ARG1: variants seen among roughly 807,000 people sequenced by gnomAD.
ARG1 encodes the protein arginase 1, also known as arginase-1.
A neutral mutation model predicts 33.0 loss-of-function variants in ARG1; 20 were observed. The observed-to-expected ratio is 0.61, with a 90% CI of 0.43 to 0.88. The LOEUF (loss-of-function observed/expected upper bound fraction) is 0.88, where lower values mean the gene tolerates loss of function less well. Among genes scored for constraint, ARG1 ranks in the 40% least tolerant of loss-of-function variants. The pLI, the probability that ARG1 is intolerant of heterozygous loss-of-function variation, is 0.00. For synonymous variants in ARG1, 146 were observed against 140.6 expected, an observed-to-expected ratio of 1.04 and a Z score of -0.27; for missense variants, 374 against 384.7, an observed-to-expected ratio of 0.97 and a Z score of 0.23.
At chr6:131,574,634 T>C (rs568142827) in intron 1 of ARG1, among the ~76,000 whole-genome samples, 6 of 151,642 alleles carry the variant, frequency 4.0e-5, no homozygotes, top group East Asian at 1.9e-4. Context: ...AGTCATAGAG[T>C]AGAGAGGATA....
At chr6:131,576,995 G>A (rs1773645392) in intron 2 of ARG1, among the ~76,000 whole-genome samples, 1 of 152,126 alleles carries the variant, frequency 6.6e-6, no homozygotes, top group Admixed American at 6.6e-5. Flanking sequence ...TGCAAGAACG[G>A]GGGTTGGGGT....
In ARG1 at chr6:131,583,599, A is replaced by G. The variant is rs1027561475; in HGVS notation, c.802+108A>G. ...CCCAGCTGACACTTTCAGAATGTCC[A>G]TCAGTCACATGATGCAATAACTAAA... On this transcript the variant is annotated intron_variant, in intron 7 of 7. Coordinates refer to ENST00000368087, the MANE Select transcript of ARG1 (RefSeq NM_000045.4). 12 of 1,532,582 alleles carry G rather than the reference A, an allele frequency of 7.8e-6. No homozygotes were observed. In the African/African-American group the frequency reaches 1.5e-4, roughly 20 times the overall value. 94.9% of individuals were successfully genotyped at this position (1,532,582 alleles called of 1,614,324 possible).
At chr6:131,575,784 G>A (rs151277976) in intron 1 of ARG1, among the ~76,000 whole-genome samples, 16 of 152,340 alleles carry the variant, frequency 1.1e-4, no homozygotes, top group Admixed American at 2.0e-4. Context: ...AGGAAGACTT[G>A]CCCCTTGGAG....
chr6:131,577,652 A>G (rs115620963), intron 2 of ARG1, among the ~76,000 whole-genome samples: 6,335 of 152,098 alleles, frequency 0.042, 447 homozygotes, highest in African/African-American at 0.14. Flanking sequence ...CTGTAATCCT[A>G]TCACTTTGGG....
chr6:131,581,732 T>C (rs1273827295), intron 4 of ARG1, among the ~76,000 whole-genome samples: 4 of 152,208 alleles, frequency 2.6e-5, no homozygotes, highest in Non-Finnish European at 5.9e-5. Context: ...GGTCTCCTCA[T>C]TCCTTCCTCT....
intron 3 of ARG1, among the ~76,000 whole-genome samples, chr6:131,580,826 GA>G (rs1773882488): frequency 6.6e-6 from 1 of 152,200 alleles, no homozygotes; most frequent in African/African-American, 2.4e-5. Context: ...TATTTACCAA[GA>G]GAGATGAGTG....
rs749799579 is a variant in ARG1, at chr6:131,583,932, C to T, written c.*24C>T. ...AAATGTGGAAACATCCGATATAAAT[C>T]TCATAGTTAATGGCATAATTAGAAA... is the stretch of plus-strand genomic sequence containing the variant. On this transcript the variant is annotated 3_prime_UTR_variant, in exon 8 of 8. Coordinates refer to ENST00000368087, the MANE Select transcript of ARG1 (RefSeq NM_000045.4). The T allele has an allele frequency of 8.1e-6, 13 of 1,610,448 alleles. No homozygotes were observed. The Admixed American group carries it at 1.0e-4, about 12-fold the overall frequency.
At chr6:131,579,055 CA>C in intron 2 of ARG1, 55 bp from the exon 3 acceptor site, 1 of 1,584,408 alleles carries the variant, frequency 6.3e-7, no homozygotes, top group Non-Finnish European at 8.7e-7. Context: ...TCATCCTACA[CA>C]GACTGATTTA....
At chr6:131,582,464 A>G (rs1206297079) in intron 4 of ARG1, among the ~76,000 whole-genome samples, 157 bp from the exon 5 acceptor site, 1 of 152,190 alleles carries the variant, frequency 6.6e-6, no homozygotes, top group Non-Finnish European at 1.5e-5. Flanking sequence ...GGGGAGGCAC[A>G]CATCCTCTTC....
intron 3 of ARG1, among the ~76,000 whole-genome samples, chr6:131,580,611 A>G (rs1275154426): frequency 1.3e-5 from 2 of 152,144 alleles, no homozygotes; most frequent in Non-Finnish European, 2.9e-5. Context: ...AAATGTCTGG[A>G]GCTTGAAGTA....
At chr6:131,576,056 C>T (rs1299092772) in intron 1 of ARG1, among the ~76,000 whole-genome samples, 1 of 152,220 alleles carries the variant, frequency 6.6e-6, no homozygotes, top group East Asian at 1.9e-4. Flanking sequence ...TTCTCCATCA[C>T]TCTGTCTTGT....
intron 2 of ARG1, 114 bp downstream of exon 2, chr6:131,576,849 T>G: frequency 2.0e-5 from 19 of 933,378 alleles, no homozygotes; most frequent in Non-Finnish European, 3.1e-5. Context: ...ATTGCGGTAC[T>G]GGTTACAACC....
chr6:131,574,012 T>G (rs988793844), intron 1 of ARG1: 3 of 485,934 alleles, frequency 6.2e-6, no homozygotes, highest in Non-Finnish European at 1.1e-5. Context: ...ACCCCCAGAT[T>G]TCCTTACAGC....
rs757959356 is a variant in ARG1, at chr6:131,579,192, G to C, written c.212G>C (p.Arg71Thr). 1.1e-5 allele frequency: 18 copies of C among 1,613,956 alleles called. No individual in the cohort carries two copies. In the East Asian group the frequency reaches 3.8e-4, roughly 34 times the overall value. ...DSPFQIVKNP[R>T]SVGKASEQLA... ...CCCTTTCAAATTGTGAAGAATCCAAGGTCTGTGGGAAAAGCAAGCGAGCAG... is the reference window on the plus strand; with the variant it reads ...CCCTTTCAAATTGTGAAGAATCCAACGTCTGTGGGAAAAGCAAGCGAGCAG... Residue 71 changes from arginine to threonine, a missense_variant, in exon 3 of 8, where the codon AGG (arginine) becomes ACG (threonine). By Grantham distance (71) the Arg-to-Thr change is moderately conservative (BLOSUM62 -1). Coordinates refer to ENST00000368087, the MANE Select transcript of ARG1 (RefSeq NM_000045.4).
intron 1 of ARG1, 27 bp downstream of exon 1, chr6:131,573,366 T>C (rs779986367): frequency 6.2e-7 from 1 of 1,612,546 alleles, no homozygotes; most frequent in South Asian, 1.1e-5. Flanking sequence ...TTCTTTGAAT[T>C]CCTGGAATTT....
At position 131,584,030 on chromosome 6, in the gene ARG1, G is replaced by C; in HGVS notation, c.*122G>C. The C allele has an allele frequency of 8.9e-7, 1 of 1,121,030 alleles. No homozygotes were observed. Among genetic ancestry groups the C allele is most frequent in the Non-Finnish European group, 1.3e-6 (1 of 795,146 alleles). The allele number at this position is 1,121,030 out of a possible 1,614,324, so 69.4% of individuals were successfully genotyped here. ...TTTCAGAAAAATGTTTTTCCAATTA[G>C]TATAAACTCTACAAATTCCCTCTTG... On this transcript the variant is annotated 3_prime_UTR_variant, in exon 8 of 8. Coordinates refer to ENST00000368087, the MANE Select transcript of ARG1 (RefSeq NM_000045.4).
Position 131,583,719 on chromosome 6 carries a change from A to G in ARG1, c.803-23A>G, listed in dbSNP as rs777241666. The G allele has an allele frequency of 6.8e-5, 110 of 1,609,300 alleles. 1 individual carries two copies. In the South Asian group the frequency reaches 1.1e-3, roughly 16 times the overall value. On this transcript the variant is annotated intron_variant, in intron 7 of 7. Coordinates refer to ENST00000368087, the MANE Select transcript of ARG1 (RefSeq NM_000045.4). ...AAATGTCAACTATTTTATAAATTAC[A>G]TTATTACAATTTGTTGTTGTAGGGC...
intron 7 of ARG1, 81 bp downstream of exon 7, chr6:131,583,572 G>A: frequency 6.4e-7 from 1 of 1,571,780 alleles, no homozygotes; most frequent in Non-Finnish European, 8.7e-7. Context: ...CTGAAACCAA[G>A]TCCCAGCTGA....
intron 2 of ARG1, among the ~76,000 whole-genome samples, chr6:131,577,948 C>G (rs1277164881): frequency 1.3e-5 from 2 of 150,004 alleles, no homozygotes; most frequent in African/African-American, 4.9e-5. Flanking sequence ...CAAACACAGG[C>G]AAAAACATGG....
Sources: allele counts gnomAD v4.1 joint callset (sites outside exome capture counted in the v4.1 genomes callset), GRCh38; gene constraint gnomAD v4.1.1; transcripts MANE v1.5; gene names NCBI Gene and HGNC (gene_info 2026-07-23, HGNC 2026-07-21).